DYRK1A: variants seen among roughly 807,000 people sequenced by gnomAD.
The protein encoded by DYRK1A is dual specificity tyrosine-phosphorylation-regulated kinase 1A.
In DYRK1A, 9 loss-of-function variants were observed where a neutral mutation model predicts 79.7. The observed-to-expected ratio is 0.11, with a 90% CI of 0.07 to 0.20. The LOEUF (loss-of-function observed/expected upper bound fraction) is 0.20, where lower values mean the gene tolerates loss of function less well. Ranked by LOEUF, DYRK1A falls within the 10% of genes least tolerant of loss-of-function variation. The probability of loss-of-function intolerance (pLI) is 1.00; values close to 1 mark genes in which losing one functional copy is unlikely to be tolerated. For missense variants in DYRK1A, 622 were observed against 956.0 expected, an observed-to-expected ratio of 0.65 and a Z score of 4.61; for synonymous variants, 349 against 329.7, an observed-to-expected ratio of 1.06 and a Z score of -0.63.
rs2053955124 is a variant in DYRK1A at position 37,524,411 on chromosome 21, T to C, written c.*11880T>C. The C allele has an allele frequency of 6.6e-6, 1 of 152,116 alleles. No individual in the cohort carries two copies. The highest frequency in any genetic ancestry group is 2.4e-5 in the African/African-American group (1 of 41,416). 9.4% of individuals were successfully genotyped at this position (152,116 alleles called of 1,614,324 possible). ...TCATCACAGAATTTATTCACAAAAA[T>C]AAAAAATGAAAATGAAGCTACAACC... is the stretch of plus-strand genomic sequence containing the variant. On this transcript the variant is annotated 3_prime_UTR_variant, in exon 12 of 12. Coordinates refer to ENST00000647188, the MANE Select transcript of DYRK1A (RefSeq NM_001347721.2).
intron 7 of DYRK1A, among the ~76,000 whole-genome samples, chr21:37,492,648 G>A (rs756651242): frequency 1.8e-4 from 28 of 152,064 alleles, no homozygotes; most frequent in Non-Finnish European, 3.7e-4. Flanking sequence ...TGTAAAGTTA[G>A]TGGTAAACTA....
At chr21:37,421,508 C>T (rs905250079) in intron 2 of DYRK1A, among the ~76,000 whole-genome samples, 5 of 152,184 alleles carry the variant, frequency 3.3e-5, no homozygotes, top group African/African-American at 7.2e-5. Context: ...TTCTTGTTTA[C>T]GTCAAAGGTG....
chr21:37,492,911 A>C, intron 7 of DYRK1A, 106 bp from the exon 8 acceptor site: 1 of 891,748 alleles, frequency 1.1e-6, no homozygotes, highest in Admixed American at 2.4e-5. Context: ...ACCCTAATTC[A>C]GGAATTAGCC....
At chr21:37,486,065 ATCTC>A (rs1394269310) in intron 5 of DYRK1A, 1 of 152,430 alleles carries the variant, frequency 6.6e-6, no homozygotes, top group East Asian at 1.9e-4. Context: ...GGGTTCAGGT[ATCTC>A]TCATTAAAAG....
At chr21:37,451,579 G>GT (rs2051452815) in intron 2 of DYRK1A, among the ~76,000 whole-genome samples, 2 of 150,068 alleles carry the variant, frequency 1.3e-5, no homozygotes, top group South Asian at 4.2e-4. Context: ...TAGCGTGGGC[G>GT]TGCAGTAGGC....
intron 2 of DYRK1A, among the ~76,000 whole-genome samples, chr21:37,457,275 C>G (rs1456018095): frequency 1.3e-5 from 2 of 152,144 alleles, no homozygotes; most frequent in African/African-American, 4.8e-5. Context: ...CTCTGTTGCC[C>G]AGACTGGAGT....
At chr21:37,400,387 G>A (rs2050031523) in intron 1 of DYRK1A, among the ~76,000 whole-genome samples, 1 of 152,102 alleles carries the variant, frequency 6.6e-6, no homozygotes, top group Non-Finnish European at 1.5e-5. Flanking sequence ...TCTTTTGGTG[G>A]ACCATTTTCC....
At chr21:37,376,339 T>A (rs1303536630) in intron 1 of DYRK1A, among the ~76,000 whole-genome samples, 1 of 152,084 alleles carries the variant, frequency 6.6e-6, no homozygotes. Context: ...GAAACCCCCA[T>A]CTCTACTACA....
chr21:37,463,126 A>G (rs2148531674), intron 2 of DYRK1A, among the ~76,000 whole-genome samples: 1 of 151,942 alleles, frequency 6.6e-6, no homozygotes, highest in South Asian at 2.1e-4. Context: ...GTTTCTAGAT[A>G]ATTGAGTATG....
intron 6 of DYRK1A, 71 bp from the exon 7 acceptor site, chr21:37,490,104 A>G: frequency 7.2e-7 from 1 of 1,397,062 alleles, no homozygotes; most frequent in South Asian, 1.4e-5. Flanking sequence ...AGAACATTTG[A>G]GAGTGCATGT....
intron 2 of DYRK1A, among the ~76,000 whole-genome samples, chr21:37,456,831 A>G (rs2051654898): frequency 6.6e-6 from 1 of 152,130 alleles, no homozygotes. Context: ...GTAAGGGCAT[A>G]CCGGAACAAG....
At chr21:37,425,942 G>A (rs2050605919) in intron 2 of DYRK1A, among the ~76,000 whole-genome samples, 1 of 152,192 alleles carries the variant, frequency 6.6e-6, no homozygotes. Flanking sequence ...AATTATGTTT[G>A]AGAAGAGCAG....
At chr21:37,448,777 G>A (rs546886434) in intron 2 of DYRK1A, among the ~76,000 whole-genome samples, 1 of 152,164 alleles carries the variant, frequency 6.6e-6, no homozygotes, top group African/African-American at 2.4e-5. Context: ...GAGCACTGCA[G>A]CCTCAACCTC....
intron 1 of DYRK1A, among the ~76,000 whole-genome samples, chr21:37,406,336 A>G (rs1379560896): frequency 3.3e-5 from 5 of 152,196 alleles, no homozygotes; most frequent in Non-Finnish European, 5.9e-5. Context: ...CAGAGATAGA[A>G]AAATTTCCCT....
rs2053937124 is a variant in DYRK1A, at chr21:37,521,844, G to A, written c.*9313G>A. The A allele has an allele frequency of 6.6e-6, 1 of 152,336 alleles. No homozygotes were observed. Among genetic ancestry groups the A allele is most frequent in the African/African-American group, 2.4e-5 (1 of 41,420 alleles). The allele number at this position is 152,336 out of a possible 1,614,324, so 9.4% of individuals were successfully genotyped here. ...GGACTGAATGGATGCTGGGAGTAGG[G>A]GTGAAAAGAGAGGAGTCAGGCTTCC... On this transcript the variant is annotated 3_prime_UTR_variant, in exon 12 of 12. Coordinates refer to ENST00000647188, the MANE Select transcript of DYRK1A (RefSeq NM_001347721.2).
At chr21:37,381,307 G>A (rs1353218293) in intron 1 of DYRK1A, among the ~76,000 whole-genome samples, 3 of 152,174 alleles carry the variant, frequency 2.0e-5, no homozygotes, top group African/African-American at 7.2e-5. Context: ...GATAGGATTA[G>A]AAAGTTCTAT....
In DYRK1A at chr21:37,479,327, A is replaced by G. The variant is rs573766533; in HGVS notation, c.300+1027A>G. On this transcript the variant is annotated intron_variant, in intron 4 of 11. Transcript: ENST00000647188. ...TGTGATTATCTGAATATATCTGATAAATTGTTGATAACAGTATATTAATTT... is the reference window on the plus strand; with the variant it reads ...TGTGATTATCTGAATATATCTGATAGATTGTTGATAACAGTATATTAATTT... Among the ~76,000 whole-genome samples the G allele has an allele frequency of 2.0e-5, 3 of 152,312 alleles. No homozygotes were observed. The East Asian group carries it at 5.8e-4, about 29-fold the overall frequency.
chr21:37,460,126 A>G (rs986833165), intron 2 of DYRK1A, among the ~76,000 whole-genome samples: 35 of 151,842 alleles, frequency 2.3e-4, no homozygotes, highest in African/African-American at 8.5e-4. Context: ...TTTTTGGTAA[A>G]GTGTTAGTTT....
chr21:37,440,533 T>A (rs2148476146), intron 2 of DYRK1A, among the ~76,000 whole-genome samples: 2 of 152,334 alleles, frequency 1.3e-5, no homozygotes, highest in African/African-American at 4.8e-5. Flanking sequence ...TGCTATAATA[T>A]TCTCCGTAAC....
Sources: allele counts gnomAD v4.1 joint callset (sites outside exome capture counted in the v4.1 genomes callset), GRCh38; gene constraint gnomAD v4.1.1; transcripts MANE v1.5; gene names NCBI Gene and HGNC (gene_info 2026-07-23, HGNC 2026-07-21).